Variants in NRXN1 observed in about 807,000 individuals in gnomAD.
NRXN1 encodes the protein neurexin 1, also known as neurexin-1.
A neutral mutation model predicts 150.9 loss-of-function variants in NRXN1; 39 were observed. That is an observed-to-expected ratio of 0.26 (90% CI 0.20 to 0.34). NRXN1 has a LOEUF of 0.34. Among genes scored for constraint, NRXN1 ranks in the 10% least tolerant of loss-of-function variants. NRXN1 has a pLI of 1.00. For missense variants in NRXN1, 1,815 were observed against 1,949.9 expected, an observed-to-expected ratio of 0.93 and a Z score of 1.30; for synonymous variants, 924 against 757.0, an observed-to-expected ratio of 1.22 and a Z score of -3.62.
intron 5 of NRXN1, among the ~76,000 whole-genome samples, chr2:50,735,847 G>A (rs1415346406): frequency 6.6e-6 from 1 of 151,982 alleles, no homozygotes; most frequent in Non-Finnish European, 1.5e-5. Flanking sequence ...CTATACATCT[G>A]CCGTACTGCC....
chr2:50,545,946 ATTGT>A (rs1378714054), intron 9 of NRXN1, among the ~76,000 whole-genome samples: 2 of 152,172 alleles, frequency 1.3e-5, no homozygotes, highest in Admixed American at 6.5e-5. Context: ...ATTATACTGC[ATTGT>A]TTAAGAAACA....
intron 10 of NRXN1, among the ~76,000 whole-genome samples, chr2:50,535,191 G>A (rs1031759139): frequency 2.6e-5 from 4 of 152,198 alleles, no homozygotes; most frequent in Non-Finnish European, 4.4e-5. Context: ...TGAAGGTTAT[G>A]CTATTTGGCA....
chr2:50,070,915 A>G (rs1402630125), intron 19 of NRXN1, among the ~76,000 whole-genome samples: 1 of 152,242 alleles, frequency 6.6e-6, no homozygotes, highest in Non-Finnish European at 1.5e-5. Context: ...GAATAAAACT[A>G]TAAATTTCTC....
chr2:51,023,910 C>T (rs1473220589), intron 2 of NRXN1, among the ~76,000 whole-genome samples: 1 of 152,048 alleles, frequency 6.6e-6, no homozygotes, highest in African/African-American at 2.4e-5. Flanking sequence ...AATCAGGAAG[C>T]ATAAGCCATA....
chr2:50,044,228 A>G (rs1691456825), intron 21 of NRXN1, among the ~76,000 whole-genome samples: 2 of 152,200 alleles, frequency 1.3e-5, no homozygotes, highest in African/African-American at 4.8e-5. Context: ...AGTTTTCTCA[A>G]TAGCATATAA....
At chr2:50,906,290 C>T (rs1440421369) in intron 5 of NRXN1, among the ~76,000 whole-genome samples, 1 of 152,006 alleles carries the variant, frequency 6.6e-6, no homozygotes, top group Non-Finnish European at 1.5e-5. Flanking sequence ...CCTTTGACTC[C>T]TCATCTCTAC....
intron 19 of NRXN1, 126 bp downstream of exon 19, chr2:50,091,197 A>G (rs998677126): frequency 6.5e-6 from 7 of 1,079,770 alleles, no homozygotes; most frequent in Non-Finnish European, 9.8e-6. Context: ...ACATGACTCT[A>G]AAGTCCAATA....
intron 2 of NRXN1, among the ~76,000 whole-genome samples, chr2:50,947,926 A>C (rs538842982): frequency 2.0e-5 from 3 of 152,012 alleles, no homozygotes; most frequent in Non-Finnish European, 2.9e-5. Context: ...TATTGGTTTC[A>C]TTTATTCAGA....
intron 16 of NRXN1, among the ~76,000 whole-genome samples, chr2:50,468,001 A>T (rs1558783019): frequency 6.6e-6 from 1 of 151,602 alleles, no homozygotes; most frequent in Non-Finnish European, 1.5e-5. Flanking sequence ...GCATATTTTT[A>T]AAAATAAAAT....
intron 3 of NRXN1, 117 bp downstream of exon 3, chr2:50,925,821 A>G (rs370495312): frequency 4.3e-5 from 34 of 790,340 alleles, no homozygotes; most frequent in East Asian, 3.8e-4. Context: ...ACAATCCAGA[A>G]ACCAACAAAT....
At chr2:50,114,533 A>G (rs1702777915) in intron 18 of NRXN1, among the ~76,000 whole-genome samples, 1 of 152,180 alleles carries the variant, frequency 6.6e-6, no homozygotes, top group Non-Finnish European at 1.5e-5. Flanking sequence ...CTGAGAATTT[A>G]TGTCCACACA....
intron 17 of NRXN1, among the ~76,000 whole-genome samples, chr2:50,300,068 T>A (rs765871275): frequency 8.5e-5 from 13 of 152,096 alleles, no homozygotes; most frequent in Non-Finnish European, 1.6e-4. Context: ...AGAAACAGTG[T>A]TAATTTAGAA....
At position 49,977,893 on chromosome 2, in the gene NRXN1, C is replaced by T. The variant is rs556836012; in HGVS notation, c.4129-34102G>A. Among the ~76,000 whole-genome samples the T allele has an allele frequency of 7.4e-4, 113 of 152,122 alleles. 1 individual carries two copies. The highest frequency in any genetic ancestry group is 1.4e-3 in the African/African-American group (59 of 41,494). On this transcript the variant is annotated intron_variant, in intron 21 of 22. Transcript: ENST00000401669. Reference sequence around the variant, plus strand: ...GGTATGGACAGAAAATGTAGCGGGGCGGTGGCTCACCTGTAATCCCAGCAC... The same window carrying T: ...GGTATGGACAGAAAATGTAGCGGGGTGGTGGCTCACCTGTAATCCCAGCAC...
chr2:50,590,748 G>T (rs938299092), intron 8 of NRXN1, among the ~76,000 whole-genome samples: 3 of 152,088 alleles, frequency 2.0e-5, no homozygotes, highest in African/African-American at 7.2e-5. Context: ...TCAGAAAATG[G>T]GCCCTCACCA....
intron 5 of NRXN1, chr2:50,919,311 G>C (rs953803077): frequency 6.6e-6 from 1 of 151,744 alleles, no homozygotes; most frequent in Non-Finnish European, 1.5e-5. Flanking sequence ...CTTACCTCGA[G>C]AGAAAGGACT....
At chr2:50,181,634 T>A (rs1329975807) in intron 18 of NRXN1, among the ~76,000 whole-genome samples, 1 of 152,136 alleles carries the variant, frequency 6.6e-6, no homozygotes, top group Non-Finnish European at 1.5e-5. Context: ...TAGGACTTTT[T>A]TTTAATCGTT....
intron 17 of NRXN1, among the ~76,000 whole-genome samples, chr2:50,314,974 A>G (rs868217631): frequency 8.6e-5 from 13 of 151,988 alleles, no homozygotes; most frequent in African/African-American, 2.7e-4. Flanking sequence ...TGGTTATAAA[A>G]TTATTCTGAT....
intron 5 of NRXN1, among the ~76,000 whole-genome samples, chr2:50,817,425 T>TA (rs34700019): frequency 0.11 from 15,787 of 150,288 alleles, 983 homozygotes; most frequent in Non-Finnish European, 0.14. Flanking sequence ...CACAAAACAA[T>TA]AAAAAAAAAT....
chr2:50,877,587 TTTG>T (rs1678798186), intron 5 of NRXN1, among the ~76,000 whole-genome samples: 1 of 151,972 alleles, frequency 6.6e-6, no homozygotes, highest in Non-Finnish European at 1.5e-5. Context: ...TAATTGTTCT[TTTG>T]TTGTTTTCCA....
Sources: gnomAD v4.1 joint callset for allele counts (sites outside exome capture counted in the v4.1 genomes callset) on GRCh38, gnomAD v4.1.1 for gene constraint, MANE v1.5 for transcripts, NCBI Gene and HGNC (gene_info 2026-07-23, HGNC 2026-07-21) for gene names.